The following CAST variants were observed in gnomAD, a reference collection of about 807,000 sequenced individuals.
CAST encodes calpastatin.
Under a neutral mutation model 119.6 loss-of-function variants are expected in CAST, and 76 were observed. The observed-to-expected ratio is 0.64, with a 90% CI of 0.53 to 0.77. The LOEUF (loss-of-function observed/expected upper bound fraction) is 0.77, where lower values mean the gene tolerates loss of function less well. Ranked by LOEUF, CAST falls within the 30% of genes least tolerant of loss-of-function variation. The probability of loss-of-function intolerance (pLI) is 0.00; values close to 1 mark genes in which losing one functional copy is unlikely to be tolerated. For missense variants in CAST, 953 were observed against 946.5 expected, an observed-to-expected ratio of 1.01 and a Z score of -0.09; for synonymous variants, 319 against 331.6, an observed-to-expected ratio of 0.96 and a Z score of 0.41.
the CAST span, among the ~76,000 whole-genome samples, chr5:96,129,662 G>A: frequency 1.3e-5 from 2 of 152,048 alleles, no homozygotes; most frequent in Admixed American, 6.6e-5. Flanking sequence ...ACTATTTCCC[G>A]ATCCATTTAA....
the CAST span, among the ~76,000 whole-genome samples, chr5:96,031,578 A>G: frequency 6.6e-6 from 1 of 152,110 alleles, no homozygotes; most frequent in African/African-American, 2.4e-5. Context: ...TTTTGGTTTT[A>G]TTTTCAGAAC....
chr5:96,132,489 T>G, the CAST span, among the ~76,000 whole-genome samples: 1 of 152,146 alleles, frequency 6.6e-6, no homozygotes, highest in Non-Finnish European at 1.5e-5. Flanking sequence ...TACTGTGCTA[T>G]CAAACACTCC....
chr5:96,187,053 C>T, the CAST span, among the ~76,000 whole-genome samples: 5 of 152,166 alleles, frequency 3.3e-5, no homozygotes, highest in Admixed American at 1.3e-4. Flanking sequence ...TTCAGGGATT[C>T]AGTTTCTTCC....
the CAST span, chr5:96,412,968 T>C: frequency 1.0e-6 from 1 of 993,470 alleles, no homozygotes; most frequent in Non-Finnish European, 1.2e-6. Flanking sequence ...ATGCACCTCC[T>C]CATGGCTGTC....
At chr5:96,292,099 A>C in the CAST span, among the ~76,000 whole-genome samples, 3 of 152,176 alleles carry the variant, frequency 2.0e-5, no homozygotes, top group African/African-American at 7.2e-5. Context: ...AAACACTGGA[A>C]GAAAAAAGAC....
chr5:96,534,847 AGGAGGGAGGGAG>A (rs757391528), intron 1 of CAST, among the ~76,000 whole-genome samples: 1 of 129,632 alleles, frequency 7.7e-6, no homozygotes, highest in Non-Finnish European at 1.7e-5. Flanking sequence ...GAAGGAAGGA[AGGAGGGAGGGAG>A]GGAAGGAAGG....
the CAST span, among the ~76,000 whole-genome samples, chr5:96,350,485 G>C: frequency 1.3e-5 from 2 of 151,982 alleles, no homozygotes; most frequent in South Asian, 4.2e-4. Flanking sequence ...ACATTGTCAG[G>C]GTAAAATTCA....
At chr5:96,104,383 AT>A in the CAST span, among the ~76,000 whole-genome samples, 3 of 152,170 alleles carry the variant, frequency 2.0e-5, no homozygotes, top group African/African-American at 7.2e-5. Flanking sequence ...ACGTTTAAGT[AT>A]TTAATCCATC....
chr5:96,324,917 A>T, the CAST span, among the ~76,000 whole-genome samples: 3 of 152,142 alleles, frequency 2.0e-5, no homozygotes, highest in African/African-American at 7.2e-5. Flanking sequence ...GAAATGGTTG[A>T]TTGGTTGCCA....
the CAST span, among the ~76,000 whole-genome samples, chr5:96,425,125 G>T: frequency 5.3e-5 from 8 of 152,052 alleles, no homozygotes; most frequent in African/African-American, 9.7e-5. Flanking sequence ...TATGCAACAA[G>T]AGTATCAAAG....
At chr5:96,628,273 T>C (rs1322873747) in intron 1 of CAST, among the ~76,000 whole-genome samples, 1 of 152,236 alleles carries the variant, frequency 6.6e-6, no homozygotes, top group Non-Finnish European at 1.5e-5. Flanking sequence ...CACTGCCCTA[T>C]GGCCAAAATG....
chr5:96,575,777 G>A (rs1482028517), intron 1 of CAST, among the ~76,000 whole-genome samples: 1 of 151,794 alleles, frequency 6.6e-6, no homozygotes, highest in Non-Finnish European at 1.5e-5. Flanking sequence ...TGAGTACTTG[G>A]GGCTACAGGC....
At chr5:96,674,940 T>C (rs190554257) in intron 1 of CAST, among the ~76,000 whole-genome samples, 5 of 152,392 alleles carry the variant, frequency 3.3e-5, no homozygotes, top group Admixed American at 1.3e-4. Flanking sequence ...ATGATTGTTA[T>C]GTGTTAATTA....
chr5:96,387,843 C>T, the CAST span, among the ~76,000 whole-genome samples: 3 of 152,094 alleles, frequency 2.0e-5, no homozygotes, highest in African/African-American at 7.2e-5. Flanking sequence ...GAGACATCAT[C>T]GAGGTTTATA....
chr5:96,502,324 ATAT>A, the CAST span, among the ~76,000 whole-genome samples: 992 of 152,230 alleles, frequency 6.5e-3, 13 homozygotes, highest in African/African-American at 0.023. Context: ...GCTTTTGTTT[ATAT>A]TATTATTTGA....
chr5:96,141,129 T>C, the CAST span, among the ~76,000 whole-genome samples: 1 of 152,228 alleles, frequency 6.6e-6, no homozygotes, highest in Non-Finnish European at 1.5e-5. Context: ...ATATTCATTA[T>C]ACATTAATGA....
chr5:96,558,088 C>A (rs141597672), intron 1 of CAST, among the ~76,000 whole-genome samples: 20,606 of 152,164 alleles, frequency 0.14, 1,675 homozygotes, highest in Non-Finnish European at 0.19. Flanking sequence ...AACTGAACAA[C>A]CTGATCCTGA....
At chr5:96,663,302 G>A in intron 1 of CAST, 1 of 690,156 alleles carries the variant, frequency 1.4e-6, no homozygotes. Flanking sequence ...GACCGGGTGC[G>A]ACCTCCTCGC....
At chr5:96,401,887 T>C in the CAST span, among the ~76,000 whole-genome samples, 3 of 152,220 alleles carry the variant, frequency 2.0e-5, no homozygotes, top group Admixed American at 6.5e-5. Context: ...AGACTGAACA[T>C]GCCTAAGTGC....
Sources: gnomAD v4.1 joint callset for allele counts (sites outside exome capture counted in the v4.1 genomes callset) on GRCh38, gnomAD v4.1.1 for gene constraint, MANE v1.5 for transcripts, NCBI Gene and HGNC (gene_info 2026-07-23, HGNC 2026-07-21) for gene names.